The following SAMD5 variants were observed in gnomAD, a reference collection of about 807,000 sequenced individuals.
SAMD5 encodes the protein sterile alpha motif domain containing 5.
In SAMD5, 13 loss-of-function variants were observed where a neutral mutation model predicts 11.3. That is an observed-to-expected ratio of 1.15 (90% CI 0.75 to 1.83). The LOEUF is 1.83. Among genes scored for constraint, SAMD5 ranks in the 40% most tolerant of loss-of-function variants. The pLI, the probability that SAMD5 is intolerant of heterozygous loss-of-function variation, is 0.00. For synonymous variants in SAMD5, 129 were observed against 111.3 expected (o/e 1.16, Z -1.00); for missense variants, 255 against 239.1 (o/e 1.07, Z -0.44).
intron 1 of SAMD5, among the ~76,000 whole-genome samples, chr6:147,726,824 C>T (rs1421733982): frequency 6.6e-6 from 1 of 152,134 alleles, no homozygotes; most frequent in African/African-American, 2.4e-5. Flanking sequence ...CAGCACCTGG[C>T]TTGTTATAAT....
At chr6:147,947,097 C>G in the SAMD5 span, among the ~76,000 whole-genome samples, 1 of 152,202 alleles carries the variant, frequency 6.6e-6, no homozygotes, top group South Asian at 2.1e-4. Flanking sequence ...TTGCAAATCA[C>G]TTCATTCCTG....
At chr6:147,915,292 T>C in the SAMD5 span, among the ~76,000 whole-genome samples, 2 of 152,244 alleles carry the variant, frequency 1.3e-5, no homozygotes, top group Admixed American at 6.5e-5. Flanking sequence ...TAATGATACA[T>C]AATTTCTGTA....
chr6:147,595,132 T>C (rs995722328), intron 1 of SAMD5, among the ~76,000 whole-genome samples: 5 of 152,206 alleles, frequency 3.3e-5, no homozygotes, highest in African/African-American at 4.8e-5. Flanking sequence ...AAATATAACG[T>C]CTTGAGAGTT....
chr6:147,849,573 A>AT, the SAMD5 span, among the ~76,000 whole-genome samples: 25 of 152,102 alleles, frequency 1.6e-4, no homozygotes, highest in African/African-American at 6.0e-4. Flanking sequence ...GCTCAGCATT[A>AT]TTTTTTGTAT....
At chr6:147,884,306 C>T in the SAMD5 span, among the ~76,000 whole-genome samples, 1 of 152,006 alleles carries the variant, frequency 6.6e-6, no homozygotes, top group Non-Finnish European at 1.5e-5. Flanking sequence ...TAATACGTTT[C>T]CTTTGCATCC....
intron 1 of SAMD5, among the ~76,000 whole-genome samples, chr6:147,668,284 T>C (rs1790749064): frequency 6.6e-6 from 1 of 152,208 alleles, no homozygotes; most frequent in Non-Finnish European, 1.5e-5. Context: ...TTATCTACAA[T>C]ATGCTTTTTT....
intron 1 of SAMD5, among the ~76,000 whole-genome samples, chr6:147,619,372 A>G (rs1326008508): frequency 6.6e-6 from 1 of 152,242 alleles, no homozygotes; most frequent in African/African-American, 2.4e-5. Flanking sequence ...GCAGAAAAGA[A>G]GTACACACCT....
intron 1 of SAMD5, among the ~76,000 whole-genome samples, chr6:147,626,760 C>CCTGGGCAACA (rs1391591774): frequency 8.8e-6 from 1 of 113,988 alleles, no homozygotes; most frequent in Admixed American, 1.2e-4. Flanking sequence ...TCAAGACCAA[C>CCTGGGCAACA]CTGGGCAACA....
the SAMD5 span, among the ~76,000 whole-genome samples, chr6:147,873,680 T>G: frequency 6.6e-5 from 10 of 152,166 alleles, no homozygotes; most frequent in African/African-American, 2.4e-4. Flanking sequence ...GGTTCTAATT[T>G]TATAATTAGA....
chr6:147,892,010 C>T, the SAMD5 span, among the ~76,000 whole-genome samples: 8 of 152,320 alleles, frequency 5.3e-5, no homozygotes, highest in South Asian at 1.5e-3. Context: ...GTGCGTCGGG[C>T]TCCTGATGCC....
the SAMD5 span, among the ~76,000 whole-genome samples, chr6:147,748,830 T>G: frequency 7.2e-4 from 109 of 152,322 alleles, no homozygotes; most frequent in African/African-American, 2.5e-3. Context: ...TTATTATAAA[T>G]TTCACTTCTG....
the SAMD5 span, among the ~76,000 whole-genome samples, chr6:147,784,949 C>T: frequency 6.6e-6 from 1 of 152,050 alleles, no homozygotes; most frequent in East Asian, 1.9e-4. Flanking sequence ...AAATGCTAAA[C>T]CAGCAAATAT....
the SAMD5 span, among the ~76,000 whole-genome samples, chr6:147,869,905 G>A: frequency 2.6e-5 from 4 of 152,040 alleles, no homozygotes; most frequent in East Asian, 1.9e-4. Context: ...ACTTAGAGAC[G>A]GGGTCTCCTT....
rs566598209 is a variant in SAMD5, at chr6:147,580,057, A to G, written c.162+70670A>G. Among the ~76,000 whole-genome samples, 3 of 152,290 alleles carry G rather than the reference A, an allele frequency of 2.0e-5. No homozygotes were observed. The South Asian group carries it at 6.2e-4, about 32-fold the overall frequency. On this transcript the variant is annotated intron_variant, in intron 1 of 1. Coordinates refer to the SAMD5 transcript ENST00000566741. The stretch of plus-strand genomic sequence containing the variant: ...AATGCAAGTCCCTCATAATTTGATT[A>G]TGATAGGAAGAGTCTAACTCATAAC...
At chr6:147,880,218 G>A in the SAMD5 span, among the ~76,000 whole-genome samples, 1 of 152,030 alleles carries the variant, frequency 6.6e-6, no homozygotes, top group African/African-American at 2.4e-5. Context: ...AAGTTCCAAC[G>A]ACTTTGTCTC....
intron 1 of SAMD5, among the ~76,000 whole-genome samples, chr6:147,715,293 G>A (rs926550930): frequency 7.9e-5 from 12 of 152,214 alleles, no homozygotes; most frequent in Admixed American, 4.6e-4. Context: ...GAGTGAGCAT[G>A]GGCTCCAAAC....
intron 1 of SAMD5, among the ~76,000 whole-genome samples, chr6:147,712,692 A>G (rs1243285895): frequency 6.6e-6 from 1 of 152,146 alleles, no homozygotes; most frequent in East Asian, 1.9e-4. Context: ...AGCATGTGCC[A>G]TGGAAAGGCT....
At chr6:147,595,182 TA>T (rs563840488) in intron 1 of SAMD5, among the ~76,000 whole-genome samples, 151 of 152,326 alleles carry the variant, frequency 9.9e-4, no homozygotes, top group African/African-American at 3.3e-3. Flanking sequence ...AGCAGCTCCT[TA>T]AAAAATGCCT....
chr6:147,939,886 G>A, the SAMD5 span, among the ~76,000 whole-genome samples: 1 of 151,946 alleles, frequency 6.6e-6, no homozygotes, highest in Non-Finnish European at 1.5e-5. Context: ...TCTGGACCAA[G>A]ACATATTTCT....
Sources: allele counts gnomAD v4.1 joint callset (sites outside exome capture counted in the v4.1 genomes callset), GRCh38; gene constraint gnomAD v4.1.1; transcripts MANE v1.5; gene names NCBI Gene and HGNC (gene_info 2026-07-23, HGNC 2026-07-21).